The following SUCO variants were observed in gnomAD, a reference collection of about 807,000 sequenced individuals.
The protein encoded by SUCO is SUN domain containing ossification factor.
SUCO carries 57 observed loss-of-function variants against 148.1 expected under a neutral mutation model. That is an observed-to-expected ratio of 0.38 (90% CI 0.31 to 0.48). The LOEUF is 0.48. Among genes scored for constraint, SUCO ranks in the 20% least tolerant of loss-of-function variants. The pLI is 0.96. For synonymous variants in SUCO, 470 were observed against 502.7 expected (o/e 0.93, Z 0.87); for missense variants, 1,331 against 1,468.2 (o/e 0.91, Z 1.53).
At position 172,602,588 on chromosome 1, in the gene SUCO, C is replaced by A. The variant is rs1285599846; in HGVS notation, c.3174-108C>A. 36 of 1,494,518 alleles carry A rather than the reference C, an allele frequency of 2.4e-5. 1 individual carries two copies. The South Asian group carries it at 3.6e-4, about 15-fold the overall frequency. The allele number at this position is 1,494,518 out of a possible 1,614,324, so 92.6% of individuals were successfully genotyped here. A position where few individuals can be genotyped will look rare whatever the true frequency, so the allele number is the denominator to read the frequency against. On this transcript the variant is annotated intron_variant, in intron 21 of 23. Coordinates refer to ENST00000263688, the MANE Select transcript of SUCO (RefSeq NM_014283.5). ...AATAACTGGAGTGTTAGAGTTAGTC[C>A]CGTGTGGTATGTACAGTTCTCAATA...
chr1:172,569,287 C>G, intron 7 of SUCO, 145 bp downstream of exon 7: 1 of 1,021,016 alleles, frequency 9.8e-7, no homozygotes, highest in Non-Finnish European at 1.3e-6. Context: ...TGCTGTTGAT[C>G]CATCCATCCA....
intron 1 of SUCO, among the ~76,000 whole-genome samples, chr1:172,541,636 A>G (rs1652463775): frequency 6.6e-6 from 1 of 152,262 alleles, no homozygotes. Context: ...AGATAACAGC[A>G]TTAGGCTAGG....
Position 172,555,387 on chromosome 1 carries a change from G to A in SUCO, c.289-482G>A, listed in dbSNP as rs1422844791. 4 of 985,186 alleles carry A rather than the reference G, an allele frequency of 4.1e-6. No individual in the cohort carries two copies. In the South Asian group the frequency reaches 1.9e-4, roughly 46 times the overall value. The allele number at this position is 985,186 out of a possible 1,614,324, so 61.0% of individuals were successfully genotyped here. A position where few individuals can be genotyped will look rare whatever the true frequency, so the allele number is the denominator to read the frequency against. Reference sequence around the variant, plus strand: ...ACATTGTGTTTTGGAGGACTGAAAGGCCCAGGTCATTCAAGACTGAAGGAG... The same window carrying A: ...ACATTGTGTTTTGGAGGACTGAAAGACCCAGGTCATTCAAGACTGAAGGAG... On this transcript the variant is annotated intron_variant, in intron 3 of 23. Transcript: ENST00000263688.
At chr1:172,598,272 C>G (rs1657265209) in intron 19 of SUCO, among the ~76,000 whole-genome samples, 2 of 152,118 alleles carry the variant, frequency 1.3e-5, no homozygotes, top group Non-Finnish European at 2.9e-5. Context: ...ATATGTGGGT[C>G]TGTTTCTGGG....
chr1:172,577,687 G>C, intron 12 of SUCO, 77 bp from the exon 13 acceptor site: 1 of 1,573,032 alleles, frequency 6.4e-7, no homozygotes, highest in Non-Finnish European at 8.7e-7. Flanking sequence ...ATGTTATAAT[G>C]AAAAAACTGA....
intron 7 of SUCO, 181 bp downstream of exon 7, chr1:172,569,323 C>T: frequency 7.0e-6 from 6 of 860,582 alleles, no homozygotes; most frequent in Non-Finnish European, 8.4e-6. Context: ...TAATTACATA[C>T]AGTTTTAGTT....
Position 172,575,350 on chromosome 1 carries a change from A to T in SUCO, c.1158-168A>T, listed in dbSNP as rs188550531. On this transcript the variant is annotated intron_variant, in intron 10 of 23. Coordinates refer to ENST00000263688, the MANE Select transcript of SUCO (RefSeq NM_014283.5). ...CTTTCCTGGTAAAGAGAAACCCGTC[A>T]GTTCAGTTGGAAAAGAAAATGTATT... 2.1e-3 allele frequency among the ~76,000 whole-genome samples: 318 copies of T among 152,166 alleles called. 1 individual carries two copies. Among genetic ancestry groups the T allele is most frequent in the Non-Finnish European group, 3.5e-3 (237 of 67,868 alleles).
At chr1:172,602,626 C>G (rs938075972) in intron 21 of SUCO, 70 bp from the exon 22 acceptor site, 3 of 1,577,276 alleles carry the variant, frequency 1.9e-6, no homozygotes, top group African/African-American at 2.7e-5. Flanking sequence ...CTCTGTGTAG[C>G]CTCAACAAAA....
chr1:172,556,538 A>G (rs1653773166), intron 4 of SUCO: 1 of 927,160 alleles, frequency 1.1e-6, no homozygotes, highest in Non-Finnish European at 1.3e-6. Context: ...CCAAAGAACA[A>G]AACAAAATGT....
At chr1:172,568,687 C>T (rs77785313) in intron 6 of SUCO, among the ~76,000 whole-genome samples, 10,079 of 152,098 alleles carry the variant, frequency 0.066, 493 homozygotes, top group Middle Eastern at 0.11. Context: ...AAGGTGGATG[C>T]ATGGCAAGTA....
At chr1:172,572,171 A>G (rs1290987403) in intron 9 of SUCO, among the ~76,000 whole-genome samples, 19 of 139,262 alleles carry the variant, frequency 1.4e-4, no homozygotes, top group Admixed American at 9.2e-4. Context: ...GAGCCCCTCT[A>G]CCCAGCCACC....
At chr1:172,606,529 T>C (rs1043051364) in intron 22 of SUCO, among the ~76,000 whole-genome samples, 2 of 151,788 alleles carry the variant, frequency 1.3e-5, no homozygotes, top group Non-Finnish European at 3.0e-5. Context: ...ACTGTTCTTG[T>C]ATATTTTAAT....
intron 1 of SUCO, among the ~76,000 whole-genome samples, chr1:172,534,108 T>G (rs558269786): frequency 6.6e-6 from 1 of 152,238 alleles, no homozygotes; most frequent in South Asian, 2.1e-4. Flanking sequence ...TTAGATGTAG[T>G]GTGTGTAGTA....
At chr1:172,540,364 G>T (rs1204033795) in intron 1 of SUCO, among the ~76,000 whole-genome samples, 1 of 152,156 alleles carries the variant, frequency 6.6e-6, no homozygotes, top group Non-Finnish European at 1.5e-5. Flanking sequence ...GCCTAGGAAG[G>T]AATGGACATT....
intron 3 of SUCO, 41 bp from the exon 4 acceptor site, chr1:172,555,828 A>T (rs780068953): frequency 7.9e-6 from 12 of 1,517,328 alleles, no homozygotes; most frequent in Non-Finnish European, 1.1e-5. Context: ...ATGTTATATT[A>T]ATCTCAACAT....
intron 1 of SUCO, among the ~76,000 whole-genome samples, chr1:172,534,704 G>A (rs369221822): frequency 5.5e-4 from 84 of 152,252 alleles, no homozygotes; most frequent in African/African-American, 2.0e-3. Context: ...TGTTGGGTAC[G>A]GAGAAGTGCC....
intron 4 of SUCO, 54 bp downstream of exon 4, chr1:172,556,077 A>G: frequency 6.9e-7 from 1 of 1,447,230 alleles, no homozygotes; most frequent in African/African-American, 1.4e-5. Flanking sequence ...TTAGTGATAG[A>G]AAAATTTCCT....
At chr1:172,586,315 A>C (rs1377723625) in intron 17 of SUCO, among the ~76,000 whole-genome samples, 1 of 151,998 alleles carries the variant, frequency 6.6e-6, no homozygotes, top group African/African-American at 2.4e-5. Flanking sequence ...AAAAGCATTG[A>C]TCTGTGGTAT....
intron 19 of SUCO, among the ~76,000 whole-genome samples, chr1:172,591,274 AT>A (rs969307546): frequency 0.011 from 1,708 of 150,054 alleles, 34 homozygotes; most frequent in African/African-American, 0.039. Context: ...GATTTGTTTA[AT>A]TTTTTTTTTA....
Sources: allele counts gnomAD v4.1 joint callset (sites outside exome capture counted in the v4.1 genomes callset), GRCh38; gene constraint gnomAD v4.1.1; transcripts MANE v1.5; gene names NCBI Gene and HGNC (gene_info 2026-07-23, HGNC 2026-07-21).